GOLIM4: variants seen among roughly 807,000 people sequenced by gnomAD.
The protein encoded by GOLIM4 is 130 kDa golgi-localized phosphoprotein.
Under a neutral mutation model 107.4 loss-of-function variants are expected in GOLIM4, and 71 were observed. The observed-to-expected ratio is 0.66, with a 90% confidence interval of 0.55 to 0.81. The LOEUF (loss-of-function observed/expected upper bound fraction) is 0.81, where lower values mean the gene tolerates loss of function less well. GOLIM4 is among the 30% of genes least tolerant of loss of function. The pLI, the probability that GOLIM4 is intolerant of heterozygous loss-of-function variation, is 0.00. For synonymous variants in GOLIM4, 327 were observed against 294.8 expected (o/e 1.11, Z -1.12); for missense variants, 830 against 826.1 (o/e 1.00, Z -0.06).
intron 1 of GOLIM4, among the ~76,000 whole-genome samples, chr3:168,087,430 C>T (rs996892671): frequency 3.3e-5 from 5 of 152,084 alleles, no homozygotes; most frequent in African/African-American, 7.2e-5. Context: ...GTCAGGAAAG[C>T]ATTGAAAGGA....
chr3:168,082,692 T>C (rs1311871611), intron 1 of GOLIM4, among the ~76,000 whole-genome samples: 2 of 152,126 alleles, frequency 1.3e-5, no homozygotes, highest in Non-Finnish European at 2.9e-5. Context: ...GAGAAGAGAA[T>C]ACATGTTACA....
rs186989125 is a variant in GOLIM4 at position 168,019,092 on chromosome 3, C to T, written c.1860+5434G>A. ...AACCAGGCTGCAGCCTGTAGTTTGC[C>T]AACTCCTAACATATACTATGGAGTC... On this transcript the variant is annotated intron_variant, in intron 14 of 15. Coordinates refer to ENST00000470487, the MANE Select transcript of GOLIM4 (RefSeq NM_014498.5). Among the ~76,000 whole-genome samples, 284 of 152,224 alleles carry T rather than the reference C, an allele frequency of 1.9e-3. 1 individual carries two copies. Among genetic ancestry groups the T allele is most frequent in the South Asian group, 3.9e-3 (19 of 4,818 alleles).
At chr3:168,030,899 AT>A (rs1718294993) in intron 9 of GOLIM4, among the ~76,000 whole-genome samples, 1 of 152,226 alleles carries the variant, frequency 6.6e-6, no homozygotes, top group African/African-American at 2.4e-5. Context: ...TATTGAAGAG[AT>A]ACTTGCACTC....
At chr3:168,062,221 C>T (rs990390626) in intron 1 of GOLIM4, among the ~76,000 whole-genome samples, 1 of 152,104 alleles carries the variant, frequency 6.6e-6, no homozygotes, top group Non-Finnish European at 1.5e-5. Flanking sequence ...ACAGTTTTCC[C>T]AAGCATAGCC....
At chr3:168,067,579 C>A (rs1294177955) in intron 1 of GOLIM4, among the ~76,000 whole-genome samples, 1 of 149,728 alleles carries the variant, frequency 6.7e-6, no homozygotes, top group Non-Finnish European at 1.5e-5. Flanking sequence ...TGAGATAGAA[C>A]GGCGTATTTT....
chr3:168,082,571 C>T (rs1349373278), intron 1 of GOLIM4, among the ~76,000 whole-genome samples: 3 of 152,028 alleles, frequency 2.0e-5, no homozygotes, highest in Non-Finnish European at 4.4e-5. Flanking sequence ...GCAAAAGATA[C>T]GAGAGAAAGA....
intron 1 of GOLIM4, among the ~76,000 whole-genome samples, chr3:168,086,527 A>C (rs1721628185): frequency 6.6e-6 from 1 of 152,170 alleles, no homozygotes; most frequent in Non-Finnish European, 1.5e-5. Flanking sequence ...AACTTCATGC[A>C]CTCCCAAAGA....
intron 1 of GOLIM4, among the ~76,000 whole-genome samples, chr3:168,048,881 CACT>C (rs1213660413): frequency 2.6e-5 from 4 of 152,072 alleles, no homozygotes; most frequent in Admixed American, 6.6e-5. Context: ...AGCAGCATAC[CACT>C]GGAATGAAAG....
Position 168,029,849 on chromosome 3 carries a change from G to C in GOLIM4, c.1364C>G (p.Ala455Gly). The change falls in exon 10 of 16, where the codon GCA becomes GGA. Residue 455 changes from alanine (A) to glycine (G), a missense_variant. Physicochemically the swap from Ala to Gly is moderately conservative, Grantham distance 60. Transcript: ENST00000470487. ...RQQEQQQQQVAREMALQRQAE... is the reference protein window; with the variant it reads ...RQQEQQQQQVGREMALQRQAE... ...CTGCCTCTGCAGGGCCATCTCTCTT[G>C]CCACCTGCTGCTGCTGCTGTTCCTG... The C allele has an allele frequency of 1.2e-6, 2 of 1,614,042 alleles. No homozygotes were observed. Among genetic ancestry groups the C allele is most frequent in the Non-Finnish European group, 1.7e-6 (2 of 1,180,010 alleles).
intron 14 of GOLIM4, among the ~76,000 whole-genome samples, chr3:168,013,073 C>G (rs1382931596): frequency 6.6e-6 from 1 of 150,556 alleles, no homozygotes; most frequent in Non-Finnish European, 1.5e-5. Context: ...CTAAATGCTC[C>G]AATTAAAAGA....
chr3:168,053,335 T>C (rs1310733384), intron 1 of GOLIM4, among the ~76,000 whole-genome samples: 1 of 152,240 alleles, frequency 6.6e-6, no homozygotes, highest in Non-Finnish European at 1.5e-5. Context: ...AATGTTTCTT[T>C]GGCAGAAGAA....
At chr3:168,053,046 A>G (rs1417990631) in intron 1 of GOLIM4, among the ~76,000 whole-genome samples, 1 of 152,214 alleles carries the variant, frequency 6.6e-6, no homozygotes, top group Non-Finnish European at 1.5e-5. Flanking sequence ...AAGGGGTTTA[A>G]TATTTTCCAT....
At chr3:168,070,534 A>C (rs907934040) in intron 1 of GOLIM4, among the ~76,000 whole-genome samples, 3 of 152,228 alleles carry the variant, frequency 2.0e-5, no homozygotes, top group African/African-American at 7.2e-5. Context: ...TAAAGTCTCT[A>C]AAGTAATTTT....
chr3:168,084,191 C>G (rs1393292755), intron 1 of GOLIM4, among the ~76,000 whole-genome samples: 1 of 152,144 alleles, frequency 6.6e-6, no homozygotes, highest in Non-Finnish European at 1.5e-5. Context: ...CTCTCCTGCT[C>G]CACCAGAGTA....
intron 1 of GOLIM4, among the ~76,000 whole-genome samples, chr3:168,081,877 T>A (rs1019735855): frequency 3.9e-5 from 6 of 152,132 alleles, no homozygotes; most frequent in African/African-American, 9.7e-5. Context: ...AAGTCTCCAA[T>A]CAGAATTATT....
intron 3 of GOLIM4, among the ~76,000 whole-genome samples, chr3:168,046,494 G>A (rs1474342648): frequency 6.6e-6 from 1 of 152,076 alleles, no homozygotes; most frequent in Non-Finnish European, 1.5e-5. Flanking sequence ...TTAGGGAGTG[G>A]TGATGACTCT....
chr3:168,052,317 A>C (rs375425859), intron 1 of GOLIM4, among the ~76,000 whole-genome samples: 2 of 152,168 alleles, frequency 1.3e-5, no homozygotes, highest in East Asian at 3.9e-4. Flanking sequence ...AAGTCTAATA[A>C]CAAAGTAATC....
intron 1 of GOLIM4, among the ~76,000 whole-genome samples, chr3:168,073,252 G>C (rs995256091): frequency 6.6e-6 from 1 of 152,302 alleles, no homozygotes; most frequent in East Asian, 1.9e-4. Context: ...ACTTCTTGAC[G>C]GTAGGGACCG....
intron 14 of GOLIM4, 98 bp downstream of exon 14, chr3:168,024,428 G>T: frequency 1.1e-6 from 1 of 923,466 alleles, no homozygotes; most frequent in Non-Finnish European, 1.8e-6. Flanking sequence ...GAACATTTCT[G>T]TGGAAGGCAT....
Sources: gnomAD v4.1 joint callset for allele counts (sites outside exome capture counted in the v4.1 genomes callset) on GRCh38, gnomAD v4.1.1 for gene constraint, MANE v1.5 for transcripts, NCBI Gene and HGNC (gene_info 2026-07-23, HGNC 2026-07-21) for gene names.